The following RIMBP2 variants were observed in gnomAD, a reference collection of about 807,000 sequenced individuals.
RIMBP2 encodes the protein RIMS binding protein 2.
In RIMBP2, 48 loss-of-function variants were observed where a neutral mutation model predicts 118.6. The ratio of observed to expected loss-of-function variants is 0.40; its 90% CI spans 0.32 to 0.51. The LOEUF is 0.51. Ranked by LOEUF, RIMBP2 falls within the 20% of genes least tolerant of loss-of-function variation. The pLI, the probability that RIMBP2 is intolerant of heterozygous loss-of-function variation, is 0.41. For missense variants in RIMBP2, 1,551 were observed against 1,768.3 expected, an observed-to-expected ratio of 0.88 and a Z score of 2.20; for synonymous variants, 762 against 742.9, an observed-to-expected ratio of 1.03 and a Z score of -0.42.
intron 1 of RIMBP2, among the ~76,000 whole-genome samples, chr12:130,633,318 A>G (rs2062121603): frequency 2.0e-5 from 3 of 152,210 alleles, no homozygotes; most frequent in African/African-American, 7.2e-5. Flanking sequence ...AGATTTCACA[A>G]CTTTGAATGG....
intron 2 of RIMBP2, among the ~76,000 whole-genome samples, chr12:130,586,137 G>A (rs2058866873): frequency 6.6e-6 from 1 of 152,174 alleles, no homozygotes; most frequent in Non-Finnish European, 1.5e-5. Flanking sequence ...TCATAGCTTT[G>A]TCTTCCCTCA....
At chr12:130,572,913 G>A (rs2057793431) in intron 2 of RIMBP2, among the ~76,000 whole-genome samples, 1 of 152,158 alleles carries the variant, frequency 6.6e-6, no homozygotes, top group Non-Finnish European at 1.5e-5. Flanking sequence ...GGCTGTGGGA[G>A]CTGTGAGGAG....
intron 1 of RIMBP2, among the ~76,000 whole-genome samples, chr12:130,629,195 T>C (rs2061829866): frequency 1.3e-5 from 2 of 152,188 alleles, no homozygotes; most frequent in Non-Finnish European, 2.9e-5. Flanking sequence ...ATATCCTGCA[T>C]CCATATGAAC....
chr12:130,678,480 A>G (rs2064607977), intron 1 of RIMBP2, among the ~76,000 whole-genome samples: 1 of 152,148 alleles, frequency 6.6e-6, no homozygotes, highest in Non-Finnish European at 1.5e-5. Context: ...CACCCAGTCA[A>G]AGGAGCCAGG....
At chr12:130,487,208 C>T (rs55707508) in intron 4 of RIMBP2, among the ~76,000 whole-genome samples, 28,698 of 152,224 alleles carry the variant, frequency 0.19, 3,117 homozygotes, top group Middle Eastern at 0.32. Context: ...CCCTGCATCA[C>T]CACGTGGCCA....
intron 1 of RIMBP2, among the ~76,000 whole-genome samples, chr12:130,694,102 C>T (rs967853116): frequency 6.6e-6 from 1 of 152,182 alleles, no homozygotes; most frequent in African/African-American, 2.4e-5. Flanking sequence ...AATGAGATGT[C>T]CAGGACATTT....
intron 17 of RIMBP2, among the ~76,000 whole-genome samples, chr12:130,421,691 ATGTGTGTGTGTGTGTGTG>A (rs35161782): frequency 6.8e-6 from 1 of 147,188 alleles, no homozygotes; most frequent in Non-Finnish European, 1.5e-5. Flanking sequence ...CTGCATTTAT[ATGTGTGTGTGTGTGTGTG>A]TGTGTGTGTG....
rs900170387 is a variant in RIMBP2 at position 130,581,708 on chromosome 12, G to A, written c.-217+46614C>T. 6.6e-6 allele frequency among the ~76,000 whole-genome samples: 1 copy of A among 152,168 alleles called. No homozygotes were observed. Among genetic ancestry groups the A allele is most frequent in the Non-Finnish European group, 1.5e-5 (1 of 68,034 alleles). ...CTCCACAGCTACTGCTATAAGCCTG[G>A]CCTGAGTCATCACCATTCCTCGCCG... On this transcript the variant is annotated intron_variant, in intron 2 of 22. Coordinates refer to ENST00000690449, the MANE Select transcript of RIMBP2 (RefSeq NM_001393629.1). The surrounding 1 kb of genome is among the most constrained non-coding windows in gnomAD (Gnocchi z 4.4).
At chr12:130,652,895 A>G (rs1006890656) in intron 1 of RIMBP2, among the ~76,000 whole-genome samples, 9 of 152,144 alleles carry the variant, frequency 5.9e-5, no homozygotes, top group Non-Finnish European at 1.2e-4. Context: ...ATCTCACGTG[A>G]ACTAACCAAG....
rs2078907368 is a variant in RIMBP2, at chr12:130,450,488, C to T, written c.505-212G>A. ...CGGTGTGGACCCCTTATTACATAGG[C>T]CCCCTCTGTGTTTGTAGAGAACCCA... On this transcript the variant is annotated intron_variant, in intron 8 of 22. Transcript: ENST00000690449. This position sits in a 1 kb window ranked among gnomAD's most constrained non-coding sequence, Gnocchi z 4.8. Among the ~76,000 whole-genome samples, 1 of 151,964 alleles carries T rather than the reference C, an allele frequency of 6.6e-6. No individual in the cohort carries two copies. Among genetic ancestry groups the T allele is most frequent in the Non-Finnish European group, 1.5e-5 (1 of 68,010 alleles).
At chr12:130,644,728 G>C (rs552596040) in intron 1 of RIMBP2, among the ~76,000 whole-genome samples, 130 of 152,346 alleles carry the variant, frequency 8.5e-4, no homozygotes, top group South Asian at 5.2e-3. Flanking sequence ...GAGACCCTGA[G>C]CCCTCAGGAG....
chr12:130,461,828 C>G (rs1447709345), intron 6 of RIMBP2, among the ~76,000 whole-genome samples: 2 of 152,146 alleles, frequency 1.3e-5, no homozygotes, highest in African/African-American at 2.4e-5. Context: ...CAGCACACCC[C>G]CTGTACAGCC....
chr12:130,451,017 C>A lies in RIMBP2; in HGVS notation c.504+178G>T, dbSNP rs557615227. On this transcript the variant is annotated intron_variant, in intron 8 of 22. Coordinates refer to ENST00000690449, the MANE Select transcript of RIMBP2 (RefSeq NM_001393629.1). ...GACCTCACCTGTGTTCACAGAGGGG[C>A]CCCCCCACATTCCAGCACATAGTAG... Among the ~76,000 whole-genome samples the A allele has an allele frequency of 1.9e-4, 27 of 143,538 alleles. No individual in the cohort carries two copies. The South Asian group carries it at 5.2e-3, about 28-fold the overall frequency. The allele number at this position is 143,538 out of a possible 152,430, so 94.2% of individuals were successfully genotyped here. A position where few individuals can be genotyped will look rare whatever the true frequency, so the allele number is the denominator to read the frequency against.
chr12:130,690,257 G>A (rs1020643106), intron 1 of RIMBP2, among the ~76,000 whole-genome samples: 1 of 152,166 alleles, frequency 6.6e-6, no homozygotes, highest in Non-Finnish European at 1.5e-5. Flanking sequence ...CCCTGGGGGT[G>A]GGGATCATGG....
chr12:130,501,737 G>A (rs746080257), intron 4 of RIMBP2, among the ~76,000 whole-genome samples: 70 of 152,320 alleles, frequency 4.6e-4, no homozygotes, highest in Non-Finnish European at 8.4e-4. Context: ...GCTCTGCAAG[G>A]AGCAGGACCT....
intron 2 of RIMBP2, among the ~76,000 whole-genome samples, chr12:130,596,747 T>C (rs568072503): frequency 6.6e-6 from 1 of 152,308 alleles, no homozygotes; most frequent in East Asian, 1.9e-4. Context: ...TCCTGTGCCA[T>C]TGGGAAACGC....
chr12:130,498,855 C>T (rs1311015520), intron 4 of RIMBP2, among the ~76,000 whole-genome samples: 1 of 152,190 alleles, frequency 6.6e-6, no homozygotes, highest in Non-Finnish European at 1.5e-5. Flanking sequence ...CATGTAGCTG[C>T]CCAGTCAACC....
In RIMBP2 at chr12:130,610,185, G is replaced by A. The variant is rs549030330; in HGVS notation, c.-217+18137C>T. On this transcript the variant is annotated intron_variant, in intron 2 of 22. Coordinates refer to ENST00000690449, the MANE Select transcript of RIMBP2 (RefSeq NM_001393629.1). ...CCTCCCGGTCCCTCCCGTTCTGGGGGAAAATGGGAAGTCTGCTCCTCCCGG... is the reference window on the plus strand; with the variant it reads ...CCTCCCGGTCCCTCCCGTTCTGGGGAAAAATGGGAAGTCTGCTCCTCCCGG... Among the ~76,000 whole-genome samples the A allele has an allele frequency of 3.3e-3, 492 of 150,784 alleles. 2 individuals carry two copies. The highest frequency in any genetic ancestry group is 5.6e-3 in the Non-Finnish European group (376 of 67,650).
rs2061366859 is a variant in RIMBP2, at chr12:130,622,294, A to C, written c.-217+6028T>G. ...GGGGAACAGAGTCCCCAAACATCAC[A>C]AGTTTTGCCATCTCTGTGCCCACTG... On this transcript the variant is annotated intron_variant, in intron 2 of 22. Coordinates refer to ENST00000690449, the MANE Select transcript of RIMBP2 (RefSeq NM_001393629.1). This position sits in a 1 kb window ranked among gnomAD's most constrained non-coding sequence, Gnocchi z 8.5. Among the ~76,000 whole-genome samples, 1 of 152,176 alleles carries C rather than the reference A, an allele frequency of 6.6e-6. No individual in the cohort carries two copies. Among genetic ancestry groups the C allele is most frequent in the Admixed American group, 6.5e-5 (1 of 15,278 alleles).
Sources: allele counts gnomAD v4.1 joint callset (sites outside exome capture counted in the v4.1 genomes callset), GRCh38; gene constraint gnomAD v4.1.1; non-coding constraint Gnocchi (gnomAD v3.1); transcripts MANE v1.5; gene names NCBI Gene and HGNC (gene_info 2026-07-23, HGNC 2026-07-21).